Variants in SNTB1 observed in about 807,000 individuals in gnomAD.
The protein encoded by SNTB1 is syntrophin beta 1, also known as beta-1-syntrophin.
A neutral mutation model predicts 48.9 loss-of-function variants in SNTB1; 36 were observed. The ratio of observed to expected loss-of-function variants is 0.74; its 90% CI spans 0.56 to 0.97. The LOEUF (loss-of-function observed/expected upper bound fraction) is 0.97, where lower values mean the gene tolerates loss of function less well. Among genes scored for constraint, SNTB1 ranks in the 50% least tolerant of loss-of-function variants. The pLI is 0.00. For synonymous variants in SNTB1, 299 were observed against 294.6 expected (o/e 1.01, Z -0.15); for missense variants, 786 against 703.4 (o/e 1.12, Z -1.33).
chr8:120,582,536 G>T (rs1198310970), intron 3 of SNTB1, among the ~76,000 whole-genome samples: 1 of 152,082 alleles, frequency 6.6e-6, no homozygotes, highest in Admixed American at 6.6e-5. Flanking sequence ...TAGCCACCCA[G>T]ACTGACCATG....
Position 120,612,366 on chromosome 8 carries a change from T to C in SNTB1, c.996+20078A>G, listed in dbSNP as rs1816640164. Among the ~76,000 whole-genome samples the C allele has an allele frequency of 2.0e-5, 3 of 152,334 alleles. No individual in the cohort carries two copies. The South Asian group carries it at 6.2e-4, about 32-fold the overall frequency. ...TAGCTTGCCCAGGTCACAAGGCTAG[T>C]AAGTCATAGAACCAAGGGGACTAAC... On this transcript the variant is annotated intron_variant, in intron 3 of 6. Transcript: ENST00000517992.
At chr8:120,603,827 T>TC (rs1816465789) in intron 3 of SNTB1, among the ~76,000 whole-genome samples, 1 of 152,168 alleles carries the variant, frequency 6.6e-6, no homozygotes, top group South Asian at 2.1e-4. Flanking sequence ...CACTAATCAA[T>TC]CTTGGGAGGA....
At chr8:120,747,979 G>A (rs57322022) in intron 1 of SNTB1, among the ~76,000 whole-genome samples, 4,471 of 151,946 alleles carry the variant, frequency 0.029, 210 homozygotes, top group African/African-American at 0.1. Flanking sequence ...TTACTCTTTC[G>A]CCATAGAAAA....
rs139082099 is a variant in SNTB1 at position 120,595,708 on chromosome 8, C to T, written c.997-20483G>A. Among the ~76,000 whole-genome samples the T allele has an allele frequency of 6.0e-3, 918 of 152,074 alleles. 7 individuals are homozygous for T. Among genetic ancestry groups the T allele is most frequent in the African/African-American group, 0.02 (847 of 41,492 alleles). On this transcript the variant is annotated intron_variant, in intron 3 of 6. Coordinates refer to ENST00000517992, the MANE Select transcript of SNTB1 (RefSeq NM_021021.4). Reference sequence around the variant, plus strand: ...AAGCAATTCTCCTGCCTCAGCCTCCCGAGTAGCTGGGATTCCAGGCATGCA... The same window carrying T: ...AAGCAATTCTCCTGCCTCAGCCTCCTGAGTAGCTGGGATTCCAGGCATGCA...
At chr8:120,789,145 T>C (rs1316361987) in intron 1 of SNTB1, among the ~76,000 whole-genome samples, 1 of 152,108 alleles carries the variant, frequency 6.6e-6, no homozygotes, top group East Asian at 1.9e-4. Context: ...GAATGATTTT[T>C]GTTTTAACAA....
rs1039486663 is a variant in SNTB1 at position 120,810,439 on chromosome 8, A to AAG, written c.571+832_571+833dup. Among the ~76,000 whole-genome samples the AAG allele has an allele frequency of 1.1e-4, 17 of 152,298 alleles. 1 individual carries two copies. Among genetic ancestry groups the AAG allele is most frequent in the African/African-American group, 3.4e-4 (14 of 41,548 alleles). ...GAGGGGACTGGGGACATCAGATCTC[A>AAG]AGAGAGAGAGTAGTTTCTAGGCTCT... On this transcript the variant is annotated intron_variant, in intron 1 of 6. Coordinates refer to ENST00000517992, the MANE Select transcript of SNTB1 (RefSeq NM_021021.4).
intron 1 of SNTB1, among the ~76,000 whole-genome samples, chr8:120,786,212 C>T (rs1664292114): frequency 6.6e-6 from 1 of 152,314 alleles, no homozygotes; most frequent in East Asian, 1.9e-4. Flanking sequence ...TTCCAGTAGT[C>T]TGGCCCTCAG....
At chr8:120,655,657 T>C (rs1817489235) in intron 2 of SNTB1, among the ~76,000 whole-genome samples, 1 of 152,190 alleles carries the variant, frequency 6.6e-6, no homozygotes, top group Non-Finnish European at 1.5e-5. Flanking sequence ...GCAGGGAACA[T>C]ATTTTATGTT....
intron 1 of SNTB1, among the ~76,000 whole-genome samples, chr8:120,732,227 T>C (rs146452578): frequency 6.6e-6 from 1 of 152,288 alleles, no homozygotes; most frequent in African/African-American, 2.4e-5. Context: ...TTCCTACAAC[T>C]TGTAGGTTAA....
chr8:120,788,694 A>T (rs1819967868), intron 1 of SNTB1, among the ~76,000 whole-genome samples: 1 of 152,100 alleles, frequency 6.6e-6, no homozygotes, highest in African/African-American at 2.4e-5. Flanking sequence ...AAGATCTAGC[A>T]ATTCTAAATA....
At position 120,704,276 on chromosome 8, in the gene SNTB1, C is replaced by T. The variant is rs117172329; in HGVS notation, c.572-10368G>A. Among the ~76,000 whole-genome samples, 740 of 152,078 alleles carry T rather than the reference C, an allele frequency of 4.9e-3. 2 individuals are homozygous for T. The highest frequency in any genetic ancestry group is 7.0e-3 in the Non-Finnish European group (475 of 67,976). On this transcript the variant is annotated intron_variant, in intron 1 of 6. Coordinates refer to ENST00000517992, the MANE Select transcript of SNTB1 (RefSeq NM_021021.4). ...GACTAGCCTGAGCAATACAGCATGA[C>T]CTCATTTCTACAAAAATAAAAATTA... is the stretch of plus-strand genomic sequence containing the variant.
At position 120,578,956 on chromosome 8, in the gene SNTB1, C is replaced by T. The variant is rs182636283; in HGVS notation, c.997-3731G>A. ...CTTTGGGAGGCCGAGGTGGGCAGATCACCTGAGGTTGGGAGTTTGAGACCA... is the reference window on the plus strand; with the variant it reads ...CTTTGGGAGGCCGAGGTGGGCAGATTACCTGAGGTTGGGAGTTTGAGACCA... On this transcript the variant is annotated intron_variant, in intron 3 of 6. Transcript: ENST00000517992. 3.2e-3 allele frequency among the ~76,000 whole-genome samples: 494 copies of T among 152,210 alleles called. 2 individuals carry two copies. The highest frequency in any genetic ancestry group is 0.014 in the Middle Eastern group (4 of 292).
At chr8:120,630,640 A>G (rs1816963991) in intron 3 of SNTB1, among the ~76,000 whole-genome samples, 1 of 152,112 alleles carries the variant, frequency 6.6e-6, no homozygotes, top group African/African-American at 2.4e-5. Flanking sequence ...CTTCTCTTCT[A>G]CAGTAAATGT....
intron 3 of SNTB1, among the ~76,000 whole-genome samples, chr8:120,614,558 G>C (rs1466900221): frequency 6.6e-6 from 1 of 152,210 alleles, no homozygotes; most frequent in East Asian, 1.9e-4. Context: ...ACACAGCACT[G>C]TCTTGAAATG....
intron 2 of SNTB1, chr8:120,636,946 T>TA: frequency 3.7e-6 from 1 of 268,690 alleles, no homozygotes; most frequent in South Asian, 6.5e-5. Flanking sequence ...CAAATTTTCA[T>TA]AGCCAAATTG....
chr8:120,730,695 A>C (rs953252749), intron 1 of SNTB1, among the ~76,000 whole-genome samples: 1 of 152,208 alleles, frequency 6.6e-6, no homozygotes, highest in African/African-American at 2.4e-5. Flanking sequence ...GTCACTTAAT[A>C]TTTTTGAACT....
chr8:120,626,449 T>TA (rs1816884231), intron 3 of SNTB1, among the ~76,000 whole-genome samples: 1 of 152,172 alleles, frequency 6.6e-6, no homozygotes, highest in African/African-American at 2.4e-5. Flanking sequence ...ATCAAAATGT[T>TA]AAAAACTGCC....
intron 1 of SNTB1, among the ~76,000 whole-genome samples, chr8:120,717,437 C>T (rs1290064555): frequency 6.6e-6 from 1 of 152,170 alleles, no homozygotes; most frequent in Non-Finnish European, 1.5e-5. Context: ...CTCCAGTGGC[C>T]TAGGGAATGT....
chr8:120,757,184 T>C (rs1232707858), intron 1 of SNTB1, among the ~76,000 whole-genome samples: 1 of 151,998 alleles, frequency 6.6e-6, no homozygotes, highest in Non-Finnish European at 1.5e-5. Context: ...TTTTACTCAG[T>C]AGGAGAGACA....
Sources: allele counts gnomAD v4.1 joint callset (sites outside exome capture counted in the v4.1 genomes callset), GRCh38; gene constraint gnomAD v4.1.1; transcripts MANE v1.5; gene names NCBI Gene and HGNC (gene_info 2026-07-23, HGNC 2026-07-21).